Variants in CASQ2 observed in about 807,000 individuals in gnomAD.
The protein encoded by CASQ2 is calsequestrin 2, also known as calsequestrin-2.
In CASQ2, 49 loss-of-function variants were observed where a neutral mutation model predicts 46.5. That is an observed-to-expected ratio of 1.05 (90% CI 0.84 to 1.34). CASQ2 has a LOEUF of 1.34. CASQ2 is among the 40% of genes most tolerant of loss of function. The pLI is 0.00. For missense variants in CASQ2, 486 were observed against 481.3 expected, an observed-to-expected ratio of 1.01 and a Z score of -0.09; for synonymous variants, 174 against 168.5, an observed-to-expected ratio of 1.03 and a Z score of -0.25.
intron 1 of CASQ2, among the ~76,000 whole-genome samples, chr1:115,765,985 C>T (rs1200408014): frequency 6.6e-6 from 1 of 152,186 alleles, no homozygotes; most frequent in African/African-American, 2.4e-5. Flanking sequence ...CATGGACTTC[C>T]CGGAGCCATT....
chr1:115,749,310 G>C (rs1446855748), intron 1 of CASQ2, among the ~76,000 whole-genome samples: 1 of 152,142 alleles, frequency 6.6e-6, no homozygotes, highest in Non-Finnish European at 1.5e-5. Context: ...CCTCTCGTAG[G>C]CATGTAAAGC....
At chr1:115,729,002 A>G (rs1010939383) in intron 5 of CASQ2, among the ~76,000 whole-genome samples, 18 of 139,914 alleles carry the variant, frequency 1.3e-4, no homozygotes, top group African/African-American at 4.9e-4. Context: ...GAGTGCTCTC[A>G]TCTTGTATCT....
chr1:115,755,998 A>G (rs1648748004), intron 1 of CASQ2, among the ~76,000 whole-genome samples: 1 of 152,160 alleles, frequency 6.6e-6, no homozygotes, highest in Non-Finnish European at 1.5e-5. Flanking sequence ...TGTCTGGAGG[A>G]TGCTTCACTC....
At chr1:115,731,233 G>A (rs1188322468) in intron 5 of CASQ2, among the ~76,000 whole-genome samples, 2 of 152,174 alleles carry the variant, frequency 1.3e-5, no homozygotes, top group Non-Finnish European at 2.9e-5. Flanking sequence ...TGGACCACAG[G>A]CATGAAGCTA....
chr1:115,762,024 T>G (rs1648981041), intron 1 of CASQ2, among the ~76,000 whole-genome samples: 1 of 152,168 alleles, frequency 6.6e-6, no homozygotes, highest in Admixed American at 6.5e-5. Flanking sequence ...TGAGCTAAAA[T>G]GAGACCTTCT....
intron 8 of CASQ2, among the ~76,000 whole-genome samples, chr1:115,715,898 C>A (rs1254913250): frequency 6.6e-6 from 1 of 152,186 alleles, no homozygotes; most frequent in Non-Finnish European, 1.5e-5. Context: ...CGAGTCAAGA[C>A]ATTGTGCAAG....
chr1:115,766,865 T>TGATAGATGATA (rs1649146891), intron 1 of CASQ2, among the ~76,000 whole-genome samples: 2 of 144,884 alleles, frequency 1.4e-5, no homozygotes, highest in Admixed American at 1.4e-4. Context: ...GAGCTAGAGA[T>TGATAGATGATA]GATAGATAGA....
chr1:115,765,169 T>C (rs1259788125), intron 1 of CASQ2, among the ~76,000 whole-genome samples: 2 of 152,186 alleles, frequency 1.3e-5, no homozygotes, highest in African/African-American at 2.4e-5. Flanking sequence ...TAGCTCTTAG[T>C]TTGCATGTTT....
At position 115,725,558 on chromosome 1, in the gene CASQ2, A is replaced by AG. The variant is rs1491363912; in HGVS notation, c.738-6_738-5insC. 1.3e-5 allele frequency: 1 copy of AG among 79,092 alleles called. No individual in the cohort carries two copies. Among genetic ancestry groups the AG allele is most frequent in the African/African-American group, 2.6e-4 (1 of 3,874 alleles). 4.9% of individuals were successfully genotyped at this position (79,092 alleles called of 1,614,324 possible). A position where few individuals can be genotyped will look rare whatever the true frequency, so the allele number is the denominator to read the frequency against. ...CGCAGGCGACGTAGAGTGGGTCTGG[A>AG]AAAAAAAAAAAAAAAAAAAAAAGAA... is the stretch of plus-strand genomic sequence containing the variant. On this transcript the variant is annotated splice_polypyrimidine_tract_variant and splice_region_variant and intron_variant, in intron 6 of 10. Coordinates refer to ENST00000261448, the MANE Select transcript of CASQ2 (RefSeq NM_001232.4).
chr1:115,765,434 T>C (rs1344755651), intron 1 of CASQ2, among the ~76,000 whole-genome samples: 1 of 152,144 alleles, frequency 6.6e-6, no homozygotes, highest in African/African-American at 2.4e-5. Context: ...TTAGAATGAA[T>C]GGGGTGGCCC....
intron 10 of CASQ2, among the ~76,000 whole-genome samples, chr1:115,701,899 G>A (rs1654216025): frequency 6.6e-6 from 1 of 152,100 alleles, no homozygotes; most frequent in African/African-American, 2.4e-5. Flanking sequence ...AGGGGAGAAA[G>A]ACATTGCTAA....
At chr1:115,738,014 G>A (rs1000411084) in intron 4 of CASQ2, among the ~76,000 whole-genome samples, 4 of 152,130 alleles carry the variant, frequency 2.6e-5, no homozygotes, top group African/African-American at 9.7e-5. Context: ...TGGAGAACCT[G>A]GCCCCTCCTT....
At chr1:115,725,990 A>G (rs1249320257) in intron 6 of CASQ2, among the ~76,000 whole-genome samples, 1 of 152,228 alleles carries the variant, frequency 6.6e-6, no homozygotes, top group Non-Finnish European at 1.5e-5. Context: ...TCTGGTGTAT[A>G]CATTGAAAGT....
intron 1 of CASQ2, among the ~76,000 whole-genome samples, chr1:115,760,888 A>G (rs1045513411): frequency 6.6e-6 from 1 of 152,216 alleles, no homozygotes; most frequent in African/African-American, 2.4e-5. Context: ...TAATACATAG[A>G]TGAATTTCTT....
At chr1:115,732,812 G>T in intron 5 of CASQ2, 89 bp downstream of exon 5, 1 of 910,668 alleles carries the variant, frequency 1.1e-6, no homozygotes, top group Non-Finnish European at 1.8e-6. Context: ...GGTTAATGTT[G>T]CTAAAAGAAA....
intron 1 of CASQ2, among the ~76,000 whole-genome samples, chr1:115,745,499 A>G (rs1648358413): frequency 6.6e-6 from 1 of 152,160 alleles, no homozygotes; most frequent in East Asian, 1.9e-4. Flanking sequence ...CCAAAGGCCA[A>G]GAGGATGCAG....
chr1:115,729,275 A>G (rs185630726), intron 5 of CASQ2, among the ~76,000 whole-genome samples: 36 of 151,846 alleles, frequency 2.4e-4, no homozygotes, highest in Middle Eastern at 3.4e-3. Flanking sequence ...GTCTTGAACT[A>G]CTGACCTCAG....
In CASQ2 at chr1:115,731,391, T is replaced by A. The variant is rs144083875; in HGVS notation, c.606+1510A>T. Among the ~76,000 whole-genome samples the A allele has an allele frequency of 4.1e-3, 620 of 152,316 alleles. 6 individuals are homozygous for A. Among genetic ancestry groups the A allele is most frequent in the African/African-American group, 0.015 (603 of 41,564 alleles). On this transcript the variant is annotated intron_variant, in intron 5 of 10. Transcript: ENST00000261448. The stretch of plus-strand genomic sequence containing the variant: ...TCAGCTGGATTCTTACCCAGGAGCC[T>A]CTTTAGCCACACCTAGTCCATTAGA...
intron 1 of CASQ2, among the ~76,000 whole-genome samples, chr1:115,767,360 A>C (rs1349624800): frequency 6.6e-6 from 1 of 152,176 alleles, no homozygotes; most frequent in Non-Finnish European, 1.5e-5. Context: ...TCAATTTTTC[A>C]ATTTGAAAAA....
Sources: allele counts gnomAD v4.1 joint callset (sites outside exome capture counted in the v4.1 genomes callset), GRCh38; gene constraint gnomAD v4.1.1; transcripts MANE v1.5; gene names NCBI Gene and HGNC (gene_info 2026-07-23, HGNC 2026-07-21).